The following ARHGAP32 variants were observed in gnomAD, a reference collection of about 807,000 sequenced individuals.
ARHGAP32 encodes Rho GTPase activating protein 32.
A neutral mutation model predicts 186.5 loss-of-function variants in ARHGAP32; 51 were observed. The observed-to-expected ratio is 0.27, with a 90% CI of 0.22 to 0.35. The LOEUF (loss-of-function observed/expected upper bound fraction) is 0.35, where lower values mean the gene tolerates loss of function less well. Ranked by LOEUF, ARHGAP32 falls within the 10% of genes least tolerant of loss-of-function variation. The probability of loss-of-function intolerance (pLI) is 1.00; values close to 1 mark genes in which losing one functional copy is unlikely to be tolerated. For missense variants in ARHGAP32, 2,186 were observed against 2,623.5 expected, an observed-to-expected ratio of 0.83 and a Z score of 3.64; for synonymous variants, 950 against 964.3, an observed-to-expected ratio of 0.99 and a Z score of 0.27.
intron 1 of ARHGAP32, among the ~76,000 whole-genome samples, chr11:129,276,797 T>C (rs914846777): frequency 5.3e-5 from 8 of 152,206 alleles, no homozygotes; most frequent in African/African-American, 1.9e-4. Context: ...AGAAAAACAA[T>C]GCAAGCCTTC....
At chr11:129,129,290 G>C in intron 2 of ARHGAP32, among the ~76,000 whole-genome samples, 1 of 144,202 alleles carries the variant, frequency 6.9e-6, no homozygotes, top group East Asian at 2.0e-4. Context: ...CGTCTGGGAA[G>C]TGAGGACCCC....
intron 11 of ARHGAP32, among the ~76,000 whole-genome samples, chr11:129,014,758 T>TGAA (rs1417293761): frequency 6.6e-6 from 1 of 152,284 alleles, no homozygotes; most frequent in African/African-American, 2.4e-5. Flanking sequence ...ATCCTGTCTT[T>TGAA]TATTCAAAGT....
chr11:129,197,249 C>T (rs1363966048), upstream of ARHGAP32, among the ~76,000 whole-genome samples: 2 of 152,084 alleles, frequency 1.3e-5, no homozygotes, highest in African/African-American at 2.4e-5. Flanking sequence ...TGCTGACCTA[C>T]ATCTAATTCT....
chr11:129,218,937 CAAAG>C (rs1321793433), intron 1 of ARHGAP32, among the ~76,000 whole-genome samples: 7 of 152,110 alleles, frequency 4.6e-5, no homozygotes, highest in Non-Finnish European at 7.3e-5. Context: ...AGGAATTGAG[CAAAG>C]AAAGAAGTTG....
At chr11:129,238,420 A>G (rs1464168115) in intron 1 of ARHGAP32, among the ~76,000 whole-genome samples, 3 of 152,180 alleles carry the variant, frequency 2.0e-5, no homozygotes, top group East Asian at 1.9e-4. Context: ...TGAAAAATCT[A>G]CCAATGGCCA....
chr11:129,230,700 T>C (rs1944846642), intron 1 of ARHGAP32, among the ~76,000 whole-genome samples: 1 of 152,302 alleles, frequency 6.6e-6, no homozygotes, highest in South Asian at 2.1e-4. Context: ...AGAGTAAAAC[T>C]TTTTAAAATA....
chr11:129,148,633 C>A (rs2135446555), intron 2 of ARHGAP32, among the ~76,000 whole-genome samples: 1 of 152,224 alleles, frequency 6.6e-6, no homozygotes, highest in Middle Eastern at 3.4e-3. Flanking sequence ...ATCTGGGAGG[C>A]AAACAGGAAT....
chr11:128,999,895 A>G (rs545829808), intron 11 of ARHGAP32, among the ~76,000 whole-genome samples: 1 of 152,314 alleles, frequency 6.6e-6, no homozygotes, highest in East Asian at 1.9e-4. Flanking sequence ...GTTTTACTGT[A>G]ATATATTACT....
intron 1 of ARHGAP32, among the ~76,000 whole-genome samples, chr11:129,268,033 A>G (rs1945427304): frequency 6.6e-6 from 1 of 152,148 alleles, no homozygotes; most frequent in Non-Finnish European, 1.5e-5. Flanking sequence ...TTAGGCCCCA[A>G]CTTCAATGCT....
intron 5 of ARHGAP32, among the ~76,000 whole-genome samples, chr11:129,111,615 T>C (rs1312928085): frequency 6.6e-6 from 1 of 152,182 alleles, no homozygotes; most frequent in Non-Finnish European, 1.5e-5. Flanking sequence ...TCTTCCTGAT[T>C]CAATTTTAGT....
intron 6 of ARHGAP32, among the ~76,000 whole-genome samples, chr11:129,069,582 G>A (rs1030734148): frequency 5.9e-5 from 9 of 152,040 alleles, no homozygotes; most frequent in African/African-American, 2.2e-4. Context: ...TATCTTTAGA[G>A]ATCAAAGGTT....
intron 10 of ARHGAP32, among the ~76,000 whole-genome samples, chr11:129,045,414 A>G (rs1372038197): frequency 6.6e-6 from 1 of 152,208 alleles, no homozygotes; most frequent in African/African-American, 2.4e-5. Context: ...AATCACTCCT[A>G]AACATCAAGG....
At position 129,109,249 on chromosome 11, in the gene ARHGAP32, A is replaced by C. The variant is rs377654693; in HGVS notation, c.444+14197T>G. 3.2e-3 allele frequency among the ~76,000 whole-genome samples: 484 copies of C among 152,074 alleles called. 2 individuals carry two copies. Among genetic ancestry groups the C allele is most frequent in the African/African-American group, 0.01 (435 of 41,506 alleles). On this transcript the variant is annotated intron_variant, in intron 5 of 22. Coordinates refer to ENST00000682385, the MANE Select transcript of ARHGAP32 (RefSeq NM_001378024.1). ...ACAGAAATTTCATTCTTTTGTGGCC[A>C]AATAGTATTCGATTGCATATATATA...
chr11:128,984,924 A>C (rs1456265283), intron 15 of ARHGAP32, among the ~76,000 whole-genome samples: 1 of 152,224 alleles, frequency 6.6e-6, no homozygotes, highest in East Asian at 1.9e-4. Context: ...ATGTTTTAGA[A>C]AGATTGTATA....
upstream of ARHGAP32, among the ~76,000 whole-genome samples, chr11:129,279,595 T>G (rs997886943): frequency 4.1e-5 from 6 of 144,598 alleles, no homozygotes; most frequent in Admixed American, 3.4e-4. Flanking sequence ...CCGCTCCGCC[T>G]CCTCCTGCAC....
In ARHGAP32 at chr11:128,984,875, A is replaced by G. The variant is rs113842320; in HGVS notation, c.1526+1128T>C. Among the ~76,000 whole-genome samples the G allele has an allele frequency of 1.7e-4, 23 of 138,640 alleles. 1 individual carries two copies. Among genetic ancestry groups the G allele is most frequent in the African/African-American group, 5.8e-4 (23 of 39,756 alleles). The allele number at this position is 138,640 out of a possible 152,430, so 91.0% of individuals were successfully genotyped here. A position where few individuals can be genotyped will look rare whatever the true frequency, so the allele number is the denominator to read the frequency against. On this transcript the variant is annotated intron_variant, in intron 15 of 22. Transcript: ENST00000682385. ...CTGCAAGACTCTATTCTGGAAATAC[A>G]GTGATAAACAAGACAGAATTCATGA...
At chr11:129,263,699 AG>A (rs1272813316) in intron 1 of ARHGAP32, among the ~76,000 whole-genome samples, 1 of 151,110 alleles carries the variant, frequency 6.6e-6, no homozygotes, top group Non-Finnish European at 1.5e-5. Flanking sequence ...AGAAAAAGAA[AG>A]AGGAAAGAGG....
chr11:129,251,449 G>A (rs559119781), intron 1 of ARHGAP32, among the ~76,000 whole-genome samples: 17 of 152,110 alleles, frequency 1.1e-4, no homozygotes, highest in African/African-American at 3.9e-4. Context: ...AATGTATTTA[G>A]GAAAACAGAA....
upstream of ARHGAP32, among the ~76,000 whole-genome samples, chr11:129,193,664 TATTATATATA>T (rs1944338322): frequency 1.6e-5 from 1 of 63,212 alleles, no homozygotes; most frequent in Non-Finnish European, 2.9e-5. Context: ...ATACAATATA[TATTATATATA>T]ATATATAATA....
Sources: gnomAD v4.1 joint callset for allele counts (sites outside exome capture counted in the v4.1 genomes callset) on GRCh38, gnomAD v4.1.1 for gene constraint, MANE v1.5 for transcripts, NCBI Gene and HGNC (gene_info 2026-07-23, HGNC 2026-07-21) for gene names.